The following PDE8A variants were observed in gnomAD, a reference collection of about 807,000 sequenced individuals.
PDE8A encodes the protein high affinity cAMP-specific and IBMX-insensitive 3',5'-cyclic phosphodiesterase 8A.
PDE8A carries 59 observed loss-of-function variants against 105.0 expected under a neutral mutation model. The ratio of observed to expected loss-of-function variants is 0.56; its 90% confidence interval spans 0.46 to 0.70. The LOEUF is 0.70. Among genes scored for constraint, PDE8A ranks in the 30% least tolerant of loss-of-function variants. The pLI, the probability that PDE8A is intolerant of heterozygous loss-of-function variation, is 0.00. For missense variants in PDE8A, 1,014 were observed against 1,045.9 expected (o/e 0.97, Z 0.42); for synonymous variants, 355 against 371.9 (o/e 0.95, Z 0.52).
chr15:85,094,136 T>C lies in PDE8A; in HGVS notation c.852+2955T>C, dbSNP rs142603723. On this transcript the variant is annotated intron_variant, in intron 8 of 21. Coordinates refer to ENST00000394553, the MANE Select transcript of PDE8A (RefSeq NM_002605.3). ...CCTCAGCTTCCCAAAGTACTGGGAT[T>C]ACAGGCGTGAGCCACCATGCTTGGC... is the stretch of plus-strand genomic sequence containing the variant. 2.8e-3 allele frequency among the ~76,000 whole-genome samples: 434 copies of C among 152,298 alleles called. 2 individuals carry two copies. Among genetic ancestry groups the C allele is most frequent in the African/African-American group, 0.01 (421 of 41,556 alleles).
chr15:85,026,347 G>C (rs2080516716), intron 1 of PDE8A, among the ~76,000 whole-genome samples: 1 of 152,110 alleles, frequency 6.6e-6, no homozygotes, highest in African/African-American at 2.4e-5. Flanking sequence ...TTGAAGGCTA[G>C]TGGAATCAGC....
intron 20 of PDE8A, among the ~76,000 whole-genome samples, chr15:85,131,389 T>C (rs1039260574): frequency 6.6e-6 from 1 of 152,226 alleles, no homozygotes; most frequent in Non-Finnish European, 1.5e-5. Context: ...GCTTATTTGA[T>C]ATTTTGTAAT....
intron 3 of PDE8A, among the ~76,000 whole-genome samples, chr15:85,068,431 G>A (rs1356914914): frequency 2.6e-5 from 4 of 152,082 alleles, no homozygotes; most frequent in African/African-American, 4.8e-5. Context: ...AGAGAGCTCC[G>A]GCCAGGAAAA....
intron 12 of PDE8A, among the ~76,000 whole-genome samples, chr15:85,112,255 C>T (rs1345173192): frequency 6.6e-6 from 1 of 152,118 alleles, no homozygotes; most frequent in Non-Finnish European, 1.5e-5. Flanking sequence ...ATGACTAAAT[C>T]AGGCTAATTA....
chr15:85,018,184 T>C (rs2080360571), intron 1 of PDE8A, among the ~76,000 whole-genome samples: 1 of 152,148 alleles, frequency 6.6e-6, no homozygotes, highest in African/African-American at 2.4e-5. Context: ...ATGGTAGCAG[T>C]AGATGTAGAG....
intron 1 of PDE8A, among the ~76,000 whole-genome samples, chr15:85,010,417 C>T (rs147125947): frequency 1.4e-3 from 206 of 152,316 alleles, no homozygotes; most frequent in African/African-American, 4.5e-3. Flanking sequence ...AAATAATACT[C>T]ATCATTTTGG....
chr15:85,033,331 T>C (rs1474017333), intron 1 of PDE8A, among the ~76,000 whole-genome samples: 1 of 152,148 alleles, frequency 6.6e-6, no homozygotes. Flanking sequence ...GAGGCTGGAT[T>C]GAATGAGGAC....
chr15:84,998,544 A>G (rs1449671928), intron 1 of PDE8A, among the ~76,000 whole-genome samples: 3 of 152,228 alleles, frequency 2.0e-5, no homozygotes, highest in Middle Eastern at 3.4e-3. Flanking sequence ...ACAGATACCT[A>G]TTTTTTCATC....
intron 1 of PDE8A, among the ~76,000 whole-genome samples, chr15:84,994,549 G>GT (rs1425488195): frequency 3.9e-5 from 6 of 152,092 alleles, no homozygotes; most frequent in African/African-American, 1.4e-4. Flanking sequence ...TTTTCACAGG[G>GT]TACCCCTGTG....
chr15:85,034,540 C>G (rs1247293498), intron 1 of PDE8A, among the ~76,000 whole-genome samples: 1 of 152,150 alleles, frequency 6.6e-6, no homozygotes, highest in East Asian at 1.9e-4. Flanking sequence ...AGTAAGAGTG[C>G]TGTTCCCTCA....
intron 1 of PDE8A, among the ~76,000 whole-genome samples, chr15:85,051,869 T>C (rs943102208): frequency 1.3e-5 from 2 of 152,168 alleles, no homozygotes; most frequent in African/African-American, 2.4e-5. Flanking sequence ...ATGTGCACAA[T>C]GTGCAGGTTT....
intron 2 of PDE8A, among the ~76,000 whole-genome samples, 190 bp from the exon 3 acceptor site, chr15:85,066,824 A>T (rs117395210): frequency 0.023 from 3,477 of 152,128 alleles, 85 homozygotes; most frequent in Admixed American, 0.066. Context: ...CTGTGGCCCA[A>T]CTACTCGGCA....
At chr15:85,076,941 G>A (rs2081388740) in intron 5 of PDE8A, among the ~76,000 whole-genome samples, 154 bp downstream of exon 5, 1 of 152,136 alleles carries the variant, frequency 6.6e-6, no homozygotes, top group African/African-American at 2.4e-5. Context: ...AGCACTTTGG[G>A]AGGTCGAGGT....
chr15:85,056,331 A>G (rs1273398413), intron 1 of PDE8A, among the ~76,000 whole-genome samples: 3 of 152,090 alleles, frequency 2.0e-5, no homozygotes, highest in Non-Finnish European at 2.9e-5. Context: ...CGTTCTCTGT[A>G]TTTCCTGAAT....
intron 1 of PDE8A, among the ~76,000 whole-genome samples, chr15:85,050,648 C>A (rs149261207): frequency 6.6e-6 from 1 of 152,072 alleles, no homozygotes; most frequent in East Asian, 1.9e-4. Flanking sequence ...ATTTCTGGGC[C>A]CTTTATTCTA....
chr15:84,994,964 A>AG (rs2079951536), intron 1 of PDE8A, among the ~76,000 whole-genome samples: 3 of 147,854 alleles, frequency 2.0e-5, no homozygotes, highest in African/African-American at 7.6e-5. Flanking sequence ...CTCTGTCTCA[A>AG]AAAAAAAAAA....
chr15:85,100,026 A>G lies in PDE8A; in HGVS notation c.953A>G (p.His318Arg). ...TTTTTTACTTGCAGAAAAATTAGAC[A>G]CTATGTGTCCATTATCAGAGTGTGC... ...PVIGQGGKIR[H>R]YVSIIRVCNG... The change falls in exon 10 of 22, where the codon CAC (histidine) becomes CGC (arginine). Residue 318 changes from histidine to arginine, a missense_variant. Coordinates refer to ENST00000394553, the MANE Select transcript of PDE8A (RefSeq NM_002605.3). 6.2e-7 allele frequency: 1 copy of G among 1,611,668 alleles called. No individual in the cohort carries two copies. Among genetic ancestry groups the G allele is most frequent in the African/African-American group, 1.3e-5 (1 of 74,998 alleles).
chr15:85,049,807 C>G (rs2080943900), intron 1 of PDE8A, among the ~76,000 whole-genome samples: 1 of 152,218 alleles, frequency 6.6e-6, no homozygotes. Context: ...ATACAGATAT[C>G]TGTCTGAATC....
At chr15:85,050,431 G>C (rs990991327) in intron 1 of PDE8A, among the ~76,000 whole-genome samples, 2 of 151,998 alleles carry the variant, frequency 1.3e-5, no homozygotes, top group African/African-American at 2.4e-5. Context: ...TTCTCTTTTA[G>C]GAATTCTGTG....
Sources: gnomAD v4.1 joint callset for allele counts (sites outside exome capture counted in the v4.1 genomes callset) on GRCh38, gnomAD v4.1.1 for gene constraint, MANE v1.5 for transcripts, NCBI Gene and HGNC (gene_info 2026-07-23, HGNC 2026-07-21) for gene names.